TNR: variants seen among roughly 807,000 people sequenced by gnomAD.
The protein encoded by TNR is tenascin-R.
Under a neutral mutation model 150.4 loss-of-function variants are expected in TNR, and 45 were observed. That is an observed-to-expected ratio of 0.30 (90% CI 0.24 to 0.38). TNR has a LOEUF of 0.38. Ranked by LOEUF, TNR falls within the 10% of genes least tolerant of loss-of-function variation. TNR has a pLI of 1.00. For synonymous variants in TNR, 687 were observed against 678.4 expected, an observed-to-expected ratio of 1.01 and a Z score of -0.20; for missense variants, 1,544 against 1,759.1, an observed-to-expected ratio of 0.88 and a Z score of 2.19.
At chr1:175,374,670 G>T (rs1312265989) in intron 9 of TNR, among the ~76,000 whole-genome samples, 1 of 152,192 alleles carries the variant, frequency 6.6e-6, no homozygotes, top group Non-Finnish European at 1.5e-5. Flanking sequence ...CCTAGGCCCT[G>T]TTGGCAATTT....
intron 19 of TNR, among the ~76,000 whole-genome samples, chr1:175,337,096 T>A (rs552497826): frequency 1.3e-5 from 2 of 152,202 alleles, no homozygotes; most frequent in Non-Finnish European, 1.5e-5. Context: ...GATTTCTCCA[T>A]GTTGGCCAGG....
intron 15 of TNR, among the ~76,000 whole-genome samples, chr1:175,358,009 G>A (rs1323061659): frequency 6.6e-6 from 1 of 152,198 alleles, no homozygotes; most frequent in African/African-American, 2.4e-5. Flanking sequence ...AGAAGAGATA[G>A]GGTTGAAACC....
intron 1 of TNR, among the ~76,000 whole-genome samples, chr1:175,640,336 G>A (rs1315664852): frequency 1.3e-5 from 2 of 152,172 alleles, no homozygotes; most frequent in African/African-American, 4.8e-5. Context: ...ACCATGAACT[G>A]TAAGGGCAAT....
intron 1 of TNR, among the ~76,000 whole-genome samples, chr1:175,658,023 G>T (rs1571722659): frequency 6.6e-6 from 1 of 151,522 alleles, no homozygotes; most frequent in African/African-American, 2.4e-5. Flanking sequence ...TCCCAGCAGT[G>T]CTGCAGACTT....
At chr1:175,573,313 C>A (rs531886340) in intron 1 of TNR, among the ~76,000 whole-genome samples, 1 of 152,360 alleles carries the variant, frequency 6.6e-6, no homozygotes, top group East Asian at 1.9e-4. Context: ...CCCACCCTCC[C>A]TCAGAGCCCT....
chr1:175,529,777 T>G (rs1659993208), intron 1 of TNR, among the ~76,000 whole-genome samples: 1 of 152,212 alleles, frequency 6.6e-6, no homozygotes, highest in Admixed American at 6.5e-5. Context: ...CCACTGACCT[T>G]TCTTTTCCTC....
At chr1:175,549,397 T>C (rs1197728966) in intron 1 of TNR, among the ~76,000 whole-genome samples, 1 of 152,198 alleles carries the variant, frequency 6.6e-6, no homozygotes, top group East Asian at 1.9e-4. Context: ...GGATTAGACA[T>C]ACATAGTTAT....
Position 175,403,584 on chromosome 1 carries a change from G to A in TNR, c.532C>T (p.His178Tyr). The change falls in exon 4 of 23, where the codon CAC (histidine) becomes TAC (tyrosine). Residue 178 changes from histidine to tyrosine, a missense_variant. By Grantham distance (83) the His-to-Tyr change is moderately conservative (BLOSUM62 2). This residue lies in a region of TNR where 1,254 missense variants were observed against 1,329.4 expected (regional missense o/e 0.94). Coordinates refer to ENST00000367674, the MANE Select transcript of TNR (RefSeq NM_003285.3). ...QLDYIPHCSGHGNFSFESCGC... is the reference protein window; with the variant it reads ...QLDYIPHCSGYGNFSFESCGC... The stretch of plus-strand genomic sequence containing the variant: ...CAGGACTCAAAGCTAAAGTTGCCGT[G>A]GCCACTGCAGTGAGGGATATAGTCC... 1 of 1,613,916 alleles carries A rather than the reference G, an allele frequency of 6.2e-7. No homozygotes were observed.
chr1:175,721,688 T>G (rs1667305315), intron 1 of TNR, among the ~76,000 whole-genome samples: 1 of 152,166 alleles, frequency 6.6e-6, no homozygotes, highest in African/African-American at 2.4e-5. Flanking sequence ...CTGTCTTCAG[T>G]GTTGAGGAAC....
chr1:175,602,658 G>T (rs987765826), intron 1 of TNR, among the ~76,000 whole-genome samples: 1 of 152,218 alleles, frequency 6.6e-6, no homozygotes, highest in South Asian at 2.1e-4. Context: ...TTGTGAAGTT[G>T]TTGAGGATGC....
At chr1:175,579,572 C>A (rs1485493301) in intron 1 of TNR, among the ~76,000 whole-genome samples, 1 of 150,594 alleles carries the variant, frequency 6.6e-6, no homozygotes, top group African/African-American at 2.4e-5. Context: ...ATGGAAAAGT[C>A]ATTTGGATGA....
intron 4 of TNR, among the ~76,000 whole-genome samples, chr1:175,400,119 G>A (rs1178970033): frequency 6.6e-6 from 1 of 152,152 alleles, no homozygotes; most frequent in Non-Finnish European, 1.5e-5. Flanking sequence ...CCATCACTGG[G>A]GACAGATGTG....
chr1:175,412,383 C>A (rs1213026312), intron 2 of TNR, among the ~76,000 whole-genome samples: 1 of 152,158 alleles, frequency 6.6e-6, no homozygotes, highest in African/African-American at 2.4e-5. Flanking sequence ...TCCAAGAGAT[C>A]TCCCCAGAAA....
chr1:175,500,591 A>G (rs983529804), intron 2 of TNR, among the ~76,000 whole-genome samples: 1 of 152,112 alleles, frequency 6.6e-6, no homozygotes, highest in African/African-American at 2.4e-5. Flanking sequence ...TCTCTACACG[A>G]CTCAGCTAGA....
chr1:175,370,454 T>C (rs1219131148), intron 9 of TNR, among the ~76,000 whole-genome samples: 1 of 150,124 alleles, frequency 6.7e-6, no homozygotes, highest in Admixed American at 6.7e-5. Context: ...TTGTTATTGG[T>C]TTGCTGGGGC....
At chr1:175,509,552 C>A (rs761377176) in intron 2 of TNR, among the ~76,000 whole-genome samples, 10 of 152,184 alleles carry the variant, frequency 6.6e-5, no homozygotes, top group Non-Finnish European at 1.5e-4. Context: ...CCTCACTTTC[C>A]AGAGTTTTTT....
intron 1 of TNR, among the ~76,000 whole-genome samples, chr1:175,579,950 C>A (rs973506595): frequency 6.6e-6 from 1 of 152,026 alleles, no homozygotes; most frequent in Non-Finnish European, 1.5e-5. Context: ...TTAGACACAT[C>A]AGAGATCCCT....
At chr1:175,534,579 T>A (rs1660197094) in intron 1 of TNR, among the ~76,000 whole-genome samples, 1 of 152,228 alleles carries the variant, frequency 6.6e-6, no homozygotes, top group Non-Finnish European at 1.5e-5. Flanking sequence ...TCAGTTGGTA[T>A]CCTTTATCTA....
intron 1 of TNR, among the ~76,000 whole-genome samples, chr1:175,698,387 G>A (rs1022604346): frequency 6.6e-6 from 1 of 152,150 alleles, no homozygotes; most frequent in East Asian, 1.9e-4. Flanking sequence ...TTCAGCAGTG[G>A]GGAAAGAGGG....
Sources: allele counts gnomAD v4.1 joint callset (sites outside exome capture counted in the v4.1 genomes callset), GRCh38; gene constraint gnomAD v4.1.1; regional missense constraint gnomAD v4.1.1; transcripts MANE v1.5; gene names NCBI Gene and HGNC (gene_info 2026-07-23, HGNC 2026-07-21).